EPB41L4A: variants seen among roughly 807,000 people sequenced by gnomAD.
EPB41L4A encodes the protein erythrocyte membrane protein band 4.1 like 4A.
A neutral mutation model predicts 108.6 loss-of-function variants in EPB41L4A; 100 were observed. The observed-to-expected ratio is 0.92, with a 90% confidence interval of 0.78 to 1.09. EPB41L4A has a LOEUF of 1.09. Ranked by LOEUF, EPB41L4A falls within the 50% of genes least tolerant of loss-of-function variation. EPB41L4A has a pLI of 0.00. For synonymous variants in EPB41L4A, 319 were observed against 289.0 expected (o/e 1.10, Z -1.05); for missense variants, 1,030 against 842.7 (o/e 1.22, Z -2.75).
At chr5:112,309,365 C>T (rs1754899612) in intron 1 of EPB41L4A, among the ~76,000 whole-genome samples, 1 of 152,150 alleles carries the variant, frequency 6.6e-6, no homozygotes, top group Non-Finnish European at 1.5e-5. Flanking sequence ...TTTCTCTACT[C>T]AGGGACGTTA....
chr5:112,345,897 A>G lies in EPB41L4A; in HGVS notation c.100-38407T>C, dbSNP rs4958039. Among the ~76,000 whole-genome samples, 326 of 152,152 alleles carry G rather than the reference A, an allele frequency of 2.1e-3. 2 individuals carry two copies. The highest frequency in any genetic ancestry group is 7.6e-3 in the African/African-American group (314 of 41,510). The stretch of plus-strand genomic sequence containing the variant: ...ACTACTACATTTTCCAAATTTTCCA[A>G]TATAAACACCTATGTATTTTATAAT... On this transcript the variant is annotated intron_variant, in intron 1 of 22. Transcript: ENST00000261486.
intron 2 of EPB41L4A, among the ~76,000 whole-genome samples, chr5:112,293,796 C>T (rs559468659): frequency 1.6e-4 from 24 of 152,340 alleles, no homozygotes; most frequent in Non-Finnish European, 2.6e-4. Flanking sequence ...ATGTCAGCTG[C>T]TGAATTCTCA....
At chr5:112,317,941 G>A (rs1283128422) in intron 1 of EPB41L4A, among the ~76,000 whole-genome samples, 2 of 152,114 alleles carry the variant, frequency 1.3e-5, no homozygotes, top group Non-Finnish European at 2.9e-5. Context: ...GGGCTCCTAA[G>A]ACTGAAAAGC....
At chr5:112,400,052 T>G (rs563515474) in intron 1 of EPB41L4A, among the ~76,000 whole-genome samples, 1 of 152,292 alleles carries the variant, frequency 6.6e-6, no homozygotes, top group Non-Finnish European at 1.5e-5. Context: ...CACTTGAGAC[T>G]GGGTAACTTA....
chr5:112,344,952 T>A (rs79443193), intron 1 of EPB41L4A, among the ~76,000 whole-genome samples: 4 of 152,232 alleles, frequency 2.6e-5, no homozygotes, highest in Non-Finnish European at 4.4e-5. Flanking sequence ...TATCTTAACA[T>A]AGTGCCTGCC....
intron 9 of EPB41L4A, among the ~76,000 whole-genome samples, chr5:112,255,064 C>T (rs765129060): frequency 6.7e-4 from 102 of 152,130 alleles, no homozygotes; most frequent in South Asian, 1.2e-3. Flanking sequence ...GCTTTCAGAC[C>T]GTTCTCTTTC....
At chr5:112,322,400 C>T (rs1163300878) in intron 1 of EPB41L4A, among the ~76,000 whole-genome samples, 4 of 152,106 alleles carry the variant, frequency 2.6e-5, no homozygotes, top group African/African-American at 9.7e-5. Flanking sequence ...GAGGCCAAAG[C>T]TCTATCAAAA....
intron 13 of EPB41L4A, among the ~76,000 whole-genome samples, chr5:112,144,907 G>A (rs953598782): frequency 2.0e-5 from 3 of 152,192 alleles, no homozygotes; most frequent in Admixed American, 1.3e-4. Flanking sequence ...TGCAGGAGAA[G>A]AGGGAGGGGA....
chr5:112,297,804 C>T (rs1754095826), intron 2 of EPB41L4A, among the ~76,000 whole-genome samples: 1 of 151,972 alleles, frequency 6.6e-6, no homozygotes, highest in Non-Finnish European at 1.5e-5. Flanking sequence ...GTCCTTGATC[C>T]ATCTTGAGTT....
intron 1 of EPB41L4A, among the ~76,000 whole-genome samples, chr5:112,381,174 C>T (rs1760154884): frequency 6.6e-6 from 1 of 152,126 alleles, no homozygotes; most frequent in Non-Finnish European, 1.5e-5. Flanking sequence ...CAGGTAGTTT[C>T]CTCAGATATA....
chr5:112,143,132 G>A (rs79705195), exon 14 of EPB41L4A: 24,410 of 152,052 alleles, frequency 0.16, 2,213 homozygotes, highest in African/African-American at 0.25. Context: ...CCGCAGACTC[G>A]TTAGCAAGCC....
At chr5:112,359,463 T>C (rs977948977) in intron 1 of EPB41L4A, among the ~76,000 whole-genome samples, 2 of 152,236 alleles carry the variant, frequency 1.3e-5, no homozygotes, top group African/African-American at 4.8e-5. Context: ...ATAACAACTG[T>C]TGATTGAGTT....
chr5:112,396,694 A>C (rs1169497326), intron 1 of EPB41L4A, among the ~76,000 whole-genome samples: 3 of 152,114 alleles, frequency 2.0e-5, no homozygotes, highest in Non-Finnish European at 4.4e-5. Flanking sequence ...ACCACAGGTC[A>C]GCTGGCTTTC....
chr5:112,353,333 C>T (rs1020895548), intron 1 of EPB41L4A, among the ~76,000 whole-genome samples: 16 of 152,230 alleles, frequency 1.1e-4, no homozygotes, highest in African/African-American at 3.6e-4. Flanking sequence ...ATTCTTGGGC[C>T]TCCAGGCAAC....
chr5:112,203,602 T>C (rs1398780548), intron 15 of EPB41L4A, among the ~76,000 whole-genome samples: 2 of 152,158 alleles, frequency 1.3e-5, no homozygotes, highest in African/African-American at 4.8e-5. Flanking sequence ...ATATTATCCC[T>C]TCAAACACTC....
chr5:112,305,726 C>T (rs77083269), intron 2 of EPB41L4A, among the ~76,000 whole-genome samples: 3 of 152,000 alleles, frequency 2.0e-5, no homozygotes, highest in Non-Finnish European at 4.4e-5. Context: ...TCTATTTTAG[C>T]TGAGTTTACC....
intron 12 of EPB41L4A, among the ~76,000 whole-genome samples, chr5:112,213,411 C>A (rs141381242): frequency 6.6e-6 from 1 of 150,982 alleles, no homozygotes; most frequent in Non-Finnish European, 1.5e-5. Flanking sequence ...TGCAGTGGCA[C>A]GATCTCAGCT....
chr5:112,303,182 C>A (rs961760581), intron 2 of EPB41L4A, among the ~76,000 whole-genome samples: 13 of 152,064 alleles, frequency 8.5e-5, no homozygotes, highest in African/African-American at 3.1e-4. Context: ...CTTTCCAGAA[C>A]ATATAATCAC....
chr5:112,170,422 G>T, intron 19 of EPB41L4A, 53 bp from the exon 20 acceptor site: 1 of 1,177,648 alleles, frequency 8.5e-7, no homozygotes, highest in Non-Finnish European at 1.3e-6. Flanking sequence ...ATAAATGCTA[G>T]TATCTTTCAC....
Sources: allele counts gnomAD v4.1 joint callset (sites outside exome capture counted in the v4.1 genomes callset), GRCh38; gene constraint gnomAD v4.1.1; transcripts MANE v1.5; gene names NCBI Gene and HGNC (gene_info 2026-07-23, HGNC 2026-07-21).